Variants in MYT1L observed in about 807,000 individuals in gnomAD.
MYT1L encodes the protein myelin transcription factor 1 like, also known as myelin transcription factor 1-like protein.
Under a neutral mutation model 126.7 loss-of-function variants are expected in MYT1L, and 12 were observed. That is an observed-to-expected ratio of 0.09 (90% CI 0.06 to 0.15). MYT1L has a LOEUF of 0.15. Ranked by LOEUF, MYT1L falls within the 10% of genes least tolerant of loss-of-function variation. MYT1L has a pLI of 1.00. For missense variants in MYT1L, 979 were observed against 1,585.2 expected (o/e 0.62, Z 6.49); for synonymous variants, 541 against 604.2 (o/e 0.90, Z 1.53).
At chr2:1,980,124 A>C (rs1184154596) in intron 5 of MYT1L, among the ~76,000 whole-genome samples, 4 of 150,912 alleles carry the variant, frequency 2.7e-5, no homozygotes, top group African/African-American at 9.7e-5. Context: ...TGTACTAAGA[A>C]TATAACAGCC....
intron 19 of MYT1L, among the ~76,000 whole-genome samples, chr2:1,846,028 A>G (rs956104378): frequency 1.3e-5 from 2 of 152,184 alleles, no homozygotes. Context: ...CTTACTCATT[A>G]TCTTTAGGCT....
chr2:2,250,064 C>T (rs943418435), intron 2 of MYT1L, among the ~76,000 whole-genome samples: 1 of 152,080 alleles, frequency 6.6e-6, no homozygotes, highest in Admixed American at 6.5e-5. Flanking sequence ...CCCTTATATA[C>T]TCTTAGTGGA....
chr2:2,125,454 G>A lies in MYT1L; in HGVS notation c.-304+47418C>T, dbSNP rs527346299. 1.1e-4 allele frequency among the ~76,000 whole-genome samples: 16 copies of A among 152,282 alleles called. 1 individual carries two copies. The highest frequency in any genetic ancestry group is 2.6e-4 in the African/African-American group (11 of 41,556). ...TCCCGTATGTATCCTTTACTAAACT[G>A]TAAGCTCCACAAAGCAGGAAACAGG... On this transcript the variant is annotated intron_variant, in intron 3 of 24. Coordinates refer to ENST00000647738, the MANE Select transcript of MYT1L (RefSeq NM_001303052.2).
At chr2:1,866,144 G>A (rs1375380566) in intron 18 of MYT1L, among the ~76,000 whole-genome samples, 1 of 152,202 alleles carries the variant, frequency 6.6e-6, no homozygotes, top group Non-Finnish European at 1.5e-5. Flanking sequence ...CTTGTGGGAA[G>A]AAGTACAGGC....
At chr2:2,026,298 G>A (rs1287244417) in intron 4 of MYT1L, among the ~76,000 whole-genome samples, 16 of 152,114 alleles carry the variant, frequency 1.1e-4, no homozygotes, top group African/African-American at 3.9e-4. Flanking sequence ...TGCTGGGGCC[G>A]GCCCATCTCT....
At chr2:2,109,907 A>G (rs1016555613) in intron 3 of MYT1L, among the ~76,000 whole-genome samples, 3 of 127,672 alleles carry the variant, frequency 2.3e-5, no homozygotes, top group Non-Finnish European at 5.1e-5. Context: ...ATATATATAT[A>G]TATATATATA....
At position 2,197,581 on chromosome 2, in the gene MYT1L, C is replaced by T. The variant is rs1044499802; in HGVS notation, c.-420-24593G>A. Among the ~76,000 whole-genome samples the T allele has an allele frequency of 1.4e-4, 21 of 148,528 alleles. No individual in the cohort carries two copies. The East Asian group carries it at 1.8e-3, about 13-fold the overall frequency. On this transcript the variant is annotated intron_variant, in intron 2 of 24. Transcript: ENST00000647738. ...TACATGCACACACACATGCACACAA[C>T]GAAGGTGCAGATATATGTAACATAT...
At chr2:1,993,554 C>T (rs2061602255) in intron 5 of MYT1L, among the ~76,000 whole-genome samples, 1 of 152,172 alleles carries the variant, frequency 6.6e-6, no homozygotes, top group Non-Finnish European at 1.5e-5. Flanking sequence ...GCATAGTATT[C>T]CTCAGAATAT....
intron 19 of MYT1L, chr2:1,842,487 A>AG (rs1553421993): frequency 6.6e-6 from 1 of 152,188 alleles, no homozygotes; most frequent in Non-Finnish European, 1.5e-5. Flanking sequence ...AGAGGCGGCG[A>AG]GGCGAGGGCA....
At chr2:2,030,517 T>A (rs1411829929) in intron 4 of MYT1L, among the ~76,000 whole-genome samples, 3 of 152,234 alleles carry the variant, frequency 2.0e-5, no homozygotes, top group Non-Finnish European at 4.4e-5. Flanking sequence ...TGCCTATTAT[T>A]TGCCAGCTAT....
chr2:2,169,150 A>G (rs190793913), intron 3 of MYT1L, among the ~76,000 whole-genome samples: 1 of 152,336 alleles, frequency 6.6e-6, no homozygotes, highest in Non-Finnish European at 1.5e-5. Context: ...ATGATGGGGT[A>G]GAATTAGGAT....
At chr2:2,295,181 A>G (rs926890421) in intron 1 of MYT1L, among the ~76,000 whole-genome samples, 1 of 152,198 alleles carries the variant, frequency 6.6e-6, no homozygotes, top group African/African-American at 2.4e-5. Flanking sequence ...AAGCTGAGAC[A>G]GAGGAGCCAG....
intron 1 of MYT1L, among the ~76,000 whole-genome samples, chr2:2,328,195 A>G (rs2096263089): frequency 6.6e-6 from 1 of 152,234 alleles, no homozygotes. Flanking sequence ...GAAATTGCAT[A>G]ATCACTTATT....
intron 9 of MYT1L, among the ~76,000 whole-genome samples, chr2:1,924,850 A>G (rs2054018842): frequency 6.6e-6 from 1 of 152,246 alleles, no homozygotes; most frequent in African/African-American, 2.4e-5. Context: ...ACATTGTGGA[A>G]GTATTAATCT....
chr2:2,237,024 G>C (rs1318876508), intron 2 of MYT1L, among the ~76,000 whole-genome samples: 1 of 151,968 alleles, frequency 6.6e-6, no homozygotes, highest in African/African-American at 2.4e-5. Flanking sequence ...ATGTTGGTCA[G>C]GTTGGTCTCG....
chr2:2,268,518 A>G (rs1266150651), intron 2 of MYT1L, among the ~76,000 whole-genome samples: 1 of 152,220 alleles, frequency 6.6e-6, no homozygotes, highest in Non-Finnish European at 1.5e-5. Context: ...AGTAATACGT[A>G]TAACAAAAGT....
chr2:2,168,879 A>C (rs539309155), intron 3 of MYT1L, among the ~76,000 whole-genome samples: 4 of 152,328 alleles, frequency 2.6e-5, no homozygotes, highest in South Asian at 4.1e-4. Context: ...CCCTAGAGCC[A>C]GGTGATGCAG....
intron 3 of MYT1L, among the ~76,000 whole-genome samples, chr2:2,105,833 AT>A (rs2078681017): frequency 6.6e-6 from 1 of 152,224 alleles, no homozygotes; most frequent in South Asian, 2.1e-4. Flanking sequence ...TGGAATCAAA[AT>A]GAGGTTTACG....
chr2:1,882,347 C>T lies in MYT1L; in HGVS notation c.2711+4192G>A, dbSNP rs1325193819. On this transcript the variant is annotated intron_variant, in intron 18 of 24. Coordinates refer to ENST00000647738, the MANE Select transcript of MYT1L (RefSeq NM_001303052.2). ...TCCCATTCACGCGCATGGCTGATCACGTGCACCCGGGTGCTCTCGGGTGAG... is the reference window on the plus strand; with the variant it reads ...TCCCATTCACGCGCATGGCTGATCATGTGCACCCGGGTGCTCTCGGGTGAG... Among the ~76,000 whole-genome samples, 6 of 152,060 alleles carry T rather than the reference C, an allele frequency of 3.9e-5. No homozygotes were observed. In the East Asian group the frequency reaches 7.7e-4, roughly 20 times the overall value.
Sources: allele counts gnomAD v4.1 joint callset (sites outside exome capture counted in the v4.1 genomes callset), GRCh38; gene constraint gnomAD v4.1.1; transcripts MANE v1.5; gene names NCBI Gene and HGNC (gene_info 2026-07-23, HGNC 2026-07-21).